Variants in GRIK3 observed in about 807,000 individuals in gnomAD.
The protein encoded by GRIK3 is glutamate ionotropic receptor kainate type subunit 3, also known as glutamate receptor ionotropic, kainate 3.
Under a neutral mutation model 102.5 loss-of-function variants are expected in GRIK3, and 29 were observed. The observed-to-expected ratio is 0.28, with a 90% CI of 0.21 to 0.39. The LOEUF is 0.39. Among genes scored for constraint, GRIK3 ranks in the 10% least tolerant of loss-of-function variants. The pLI is 1.00. For missense variants in GRIK3, 908 were observed against 1,252.4 expected (o/e 0.73, Z 4.15); for synonymous variants, 511 against 504.9 (o/e 1.01, Z -0.16).
intron 1 of GRIK3, among the ~76,000 whole-genome samples, chr1:36,963,892 G>A (rs1642053208): frequency 6.6e-6 from 1 of 152,230 alleles, no homozygotes; most frequent in Admixed American, 6.5e-5. Flanking sequence ...CTGGTGACCT[G>A]AGCCTCAGAT....
At chr1:36,998,637 T>C (rs1041773696) in intron 1 of GRIK3, among the ~76,000 whole-genome samples, 5 of 152,174 alleles carry the variant, frequency 3.3e-5, no homozygotes, top group East Asian at 1.9e-4. Flanking sequence ...AGCCTCCCGA[T>C]GGGTTTGTGC....
At chr1:36,825,869 C>CTGTCTT in intron 10 of GRIK3, 43 bp from the exon 11 acceptor site, 1 of 1,396,166 alleles carries the variant, frequency 7.2e-7, no homozygotes, top group Non-Finnish European at 1.0e-6. Flanking sequence ...TGAGCAAAGT[C>CTGTCTT]TCAGAATAGC....
intron 1 of GRIK3, among the ~76,000 whole-genome samples, chr1:36,967,892 C>A (rs574498024): frequency 8.5e-5 from 13 of 152,188 alleles, no homozygotes; most frequent in Non-Finnish European, 1.8e-4. Flanking sequence ...TAAATGATAG[C>A]AATAATGTGA....
chr1:36,999,546 C>A (rs894214061), intron 1 of GRIK3, among the ~76,000 whole-genome samples: 2 of 152,042 alleles, frequency 1.3e-5, no homozygotes, highest in African/African-American at 2.4e-5. Context: ...TGGAAAGGGG[C>A]CTTAAGGTAA....
chr1:36,823,199 C>T (rs371812876), intron 11 of GRIK3, among the ~76,000 whole-genome samples: 49 of 152,222 alleles, frequency 3.2e-4, no homozygotes, highest in Middle Eastern at 3.4e-3. Context: ...AACGGCCAGG[C>T]GTGATGGCTC....
In GRIK3 at chr1:36,799,824, T is replaced by C. The variant is rs1179141030; in HGVS notation, c.*2027A>G. On this transcript the variant is annotated 3_prime_UTR_variant, in exon 16 of 16. Coordinates refer to ENST00000373091, the MANE Select transcript of GRIK3 (RefSeq NM_000831.4). ...CCCCAAGGATTCACCTATTATTGCATGCCCTGGACTATGTTATATGTCCAG... is the reference window on the plus strand; with the variant it reads ...CCCCAAGGATTCACCTATTATTGCACGCCCTGGACTATGTTATATGTCCAG... The C allele has an allele frequency of 6.6e-6, 1 of 152,184 alleles. No individual in the cohort carries two copies. The highest frequency in any genetic ancestry group is 2.4e-5 in the African/African-American group (1 of 41,438). 9.4% of individuals were successfully genotyped at this position (152,184 alleles called of 1,614,324 possible). A position where few individuals can be genotyped will look rare whatever the true frequency, so the allele number is the denominator to read the frequency against.
chr1:36,887,677 A>T (rs976388564), intron 2 of GRIK3, among the ~76,000 whole-genome samples: 3 of 150,498 alleles, frequency 2.0e-5, no homozygotes, highest in African/African-American at 7.4e-5. Context: ...AATTGCTTGA[A>T]CCCAAGAGGC....
At chr1:37,014,673 T>C (rs925404637) in intron 1 of GRIK3, among the ~76,000 whole-genome samples, 7 of 152,196 alleles carry the variant, frequency 4.6e-5, no homozygotes, top group Non-Finnish European at 1.0e-4. Context: ...AAGCTAGAGA[T>C]AAGCAGAGGC....
intron 1 of GRIK3, among the ~76,000 whole-genome samples, chr1:36,932,679 G>A (rs1330031559): frequency 6.6e-6 from 1 of 152,180 alleles, no homozygotes; most frequent in Non-Finnish European, 1.5e-5. Flanking sequence ...CTGCCACTTG[G>A]AATCTGTCCA....
intron 1 of GRIK3, among the ~76,000 whole-genome samples, chr1:37,017,228 G>A (rs1227627622): frequency 6.8e-6 from 1 of 147,602 alleles, no homozygotes; most frequent in Admixed American, 6.7e-5. Flanking sequence ...AAAAAAAAAC[G>A]AAAAAAAGAA....
In GRIK3 at chr1:36,937,263, G is replaced by A. The variant is rs560837476; in HGVS notation, c.116-46167C>T. On this transcript the variant is annotated intron_variant, in intron 1 of 15. Coordinates refer to ENST00000373091, the MANE Select transcript of GRIK3 (RefSeq NM_000831.4). ...ATGGGGAGACACAGCATGGTGCCAC[G>A]CCCTCGAGTGAACAACAAGCCCGGT... 3.5e-4 allele frequency among the ~76,000 whole-genome samples: 54 copies of A among 152,270 alleles called. 1 individual carries two copies. The highest frequency in any genetic ancestry group is 1.2e-3 in the African/African-American group (49 of 41,546).
intron 6 of GRIK3, 110 bp downstream of exon 6, chr1:36,859,734 G>T (rs776223904): frequency 3.4e-6 from 3 of 881,216 alleles, no homozygotes; most frequent in Non-Finnish European, 1.8e-6. Context: ...CACATGGAAG[G>T]TCTCAAGAAG....
At chr1:36,829,733 C>A (rs140153062) in intron 10 of GRIK3, among the ~76,000 whole-genome samples, 1 of 152,118 alleles carries the variant, frequency 6.6e-6, no homozygotes, top group African/African-American at 2.4e-5. Flanking sequence ...GGTCACCTGG[C>A]CCCCACCCAT....
In GRIK3 at chr1:36,796,513, T is replaced by C. The variant is rs1039671992; in HGVS notation, c.*5338A>G. 3.3e-5 allele frequency: 5 copies of C among 152,290 alleles called. No homozygotes were observed. Among genetic ancestry groups the C allele is most frequent in the Admixed American group, 2.0e-4 (3 of 15,288 alleles). The allele number at this position is 152,290 out of a possible 1,614,324, so 9.4% of individuals were successfully genotyped here. On this transcript the variant is annotated 3_prime_UTR_variant, in exon 16 of 16. Coordinates refer to ENST00000373091, the MANE Select transcript of GRIK3 (RefSeq NM_000831.4). ...GACTGAATCTATGGCTGCTTCTTCA[T>C]GTCTGGAGGCCTCAGAGTTTCAATC...
chr1:36,869,634 G>A (rs532121480), intron 5 of GRIK3, 114 bp downstream of exon 5: 18 of 824,758 alleles, frequency 2.2e-5, no homozygotes, highest in African/African-American at 3.3e-5. Context: ...CACCCCTACA[G>A]CCTGAGGAAG....
At chr1:37,004,109 A>G (rs537488359) in intron 1 of GRIK3, among the ~76,000 whole-genome samples, 7 of 152,152 alleles carry the variant, frequency 4.6e-5, no homozygotes, top group African/African-American at 1.7e-4. Context: ...AAAGGAAGCC[A>G]CCTTCTAAAA....
At chr1:37,016,379 TTAAATGAGCTCA>T (rs1275137812) in intron 1 of GRIK3, among the ~76,000 whole-genome samples, 8 of 152,142 alleles carry the variant, frequency 5.3e-5, no homozygotes, top group Non-Finnish European at 1.2e-4. Context: ...CACCTTAGGG[TTAAATGAGCTCA>T]GAAAAGGGCT....
At chr1:36,920,138 G>T (rs1306679091) in intron 1 of GRIK3, among the ~76,000 whole-genome samples, 2 of 152,218 alleles carry the variant, frequency 1.3e-5, no homozygotes, top group Non-Finnish European at 2.9e-5. Flanking sequence ...GTCGGCCTTG[G>T]TTCTGTGAGC....
intron 1 of GRIK3, among the ~76,000 whole-genome samples, chr1:37,006,856 A>T (rs1394356927): frequency 6.6e-6 from 1 of 152,208 alleles, no homozygotes; most frequent in Non-Finnish European, 1.5e-5. Context: ...TTCACAGGTG[A>T]GAAAATTGAG....
Sources: allele counts gnomAD v4.1 joint callset (sites outside exome capture counted in the v4.1 genomes callset), GRCh38; gene constraint gnomAD v4.1.1; transcripts MANE v1.5; gene names NCBI Gene and HGNC (gene_info 2026-07-23, HGNC 2026-07-21).